CHCHD3: variants seen among roughly 807,000 people sequenced by gnomAD.
CHCHD3 encodes the protein MICOS complex subunit MIC19.
A neutral mutation model predicts 38.2 loss-of-function variants in CHCHD3; 20 were observed. The observed-to-expected ratio is 0.52, with a 90% CI of 0.37 to 0.76. CHCHD3 has a LOEUF of 0.76. Among genes scored for constraint, CHCHD3 ranks in the 30% least tolerant of loss-of-function variants. The probability of loss-of-function intolerance (pLI) is 0.00; values close to 1 mark genes in which losing one functional copy is unlikely to be tolerated. For missense variants in CHCHD3, 245 were observed against 279.2 expected (o/e 0.88, Z 0.87); for synonymous variants, 82 against 100.0 (o/e 0.82, Z 1.07).
intron 1 of CHCHD3, 75 bp downstream of exon 1, chr7:133,081,782 G>A: frequency 6.9e-7 from 1 of 1,449,970 alleles, no homozygotes; most frequent in African/African-American, 1.4e-5. Context: ...AACCCAGGCT[G>A]AGCGGGTCCG....
At chr7:132,879,799 T>TTAATCAAAG (rs1198574888) in intron 5 of CHCHD3, among the ~76,000 whole-genome samples, 2 of 149,108 alleles carry the variant, frequency 1.3e-5, no homozygotes, top group African/African-American at 5.0e-5. Flanking sequence ...GAAGGCAGTA[T>TTAATCAAAG]TAATCAAAGT....
intron 1 of CHCHD3, among the ~76,000 whole-genome samples, chr7:133,071,034 A>G (rs893592672): frequency 6.6e-6 from 1 of 152,224 alleles, no homozygotes; most frequent in African/African-American, 2.4e-5. Context: ...ACCGTTAGAC[A>G]TCCAAGTGGA....
chr7:133,040,465 T>C (rs1422920169), intron 2 of CHCHD3, among the ~76,000 whole-genome samples: 1 of 152,104 alleles, frequency 6.6e-6, no homozygotes, highest in East Asian at 1.9e-4. Flanking sequence ...CCACCAGACA[T>C]TGAGAACTGG....
At chr7:132,816,757 G>A (rs771543731) in intron 6 of CHCHD3, among the ~76,000 whole-genome samples, 3 of 152,194 alleles carry the variant, frequency 2.0e-5, no homozygotes, top group Non-Finnish European at 2.9e-5. Flanking sequence ...GCTATTAGAT[G>A]CAACCTGCTT....
intron 2 of CHCHD3, among the ~76,000 whole-genome samples, chr7:133,033,397 C>T (rs1291995279): frequency 1.3e-5 from 2 of 152,122 alleles, no homozygotes; most frequent in Non-Finnish European, 2.9e-5. Flanking sequence ...GATCCCTCCC[C>T]GTGCCACTAA....
At chr7:132,791,844 C>T (rs1194831197) in intron 7 of CHCHD3, among the ~76,000 whole-genome samples, 2 of 152,172 alleles carry the variant, frequency 1.3e-5, no homozygotes, top group African/African-American at 4.8e-5. Context: ...TAGGATCTAG[C>T]CTCATTTACT....
chr7:132,891,939 A>G (rs896049245), intron 4 of CHCHD3, among the ~76,000 whole-genome samples: 1 of 152,200 alleles, frequency 6.6e-6, no homozygotes, highest in African/African-American at 2.4e-5. Context: ...CCATGATTGT[A>G]AGTTTCCTGA....
At chr7:132,826,698 C>T (rs1289850809) in intron 6 of CHCHD3, among the ~76,000 whole-genome samples, 1 of 152,182 alleles carries the variant, frequency 6.6e-6, no homozygotes, top group Non-Finnish European at 1.5e-5. Flanking sequence ...AAGACGCAAG[C>T]TTTTACAAGT....
chr7:132,875,587 A>C (rs1405916142), intron 5 of CHCHD3, among the ~76,000 whole-genome samples: 1 of 152,220 alleles, frequency 6.6e-6, no homozygotes, highest in Non-Finnish European at 1.5e-5. Context: ...CACAAAACAC[A>C]CAGCCTCCAT....
At chr7:132,925,558 C>T (rs1271680082) in intron 4 of CHCHD3, among the ~76,000 whole-genome samples, 1 of 152,172 alleles carries the variant, frequency 6.6e-6, no homozygotes, top group East Asian at 1.9e-4. Context: ...CAAGTTACAC[C>T]TTCAGGACAG....
At position 132,785,584 on chromosome 7, in the gene CHCHD3, A is replaced by G; in HGVS notation, c.*53T>C. 6.3e-7 allele frequency: 1 copy of G among 1,592,776 alleles called. No individual in the cohort carries two copies. The highest frequency in any genetic ancestry group is 2.2e-5 in the East Asian group (1 of 44,766). On this transcript the variant is annotated 3_prime_UTR_variant, in exon 8 of 8. Transcript: ENST00000262570. Reference sequence around the variant, plus strand: ...GGTTGTTTTCTCACTAGGAAAAAAAATGTTCCATCTCTGGAATTAACGTTG... The same window carrying G: ...GGTTGTTTTCTCACTAGGAAAAAAAGTGTTCCATCTCTGGAATTAACGTTG...
intron 4 of CHCHD3, among the ~76,000 whole-genome samples, chr7:132,916,086 G>A (rs536404860): frequency 6.6e-6 from 1 of 152,004 alleles, no homozygotes; most frequent in South Asian, 2.1e-4. Flanking sequence ...AGTTTCTTGT[G>A]TCTACTGACT....
chr7:132,800,907 G>A (rs1806775917), intron 6 of CHCHD3, among the ~76,000 whole-genome samples: 1 of 152,190 alleles, frequency 6.6e-6, no homozygotes, highest in African/African-American at 2.4e-5. Context: ...CATGGGATCA[G>A]GTGGTCTCAT....
chr7:133,060,547 G>A (rs533404949), intron 2 of CHCHD3, among the ~76,000 whole-genome samples: 2 of 152,210 alleles, frequency 1.3e-5, no homozygotes, highest in Admixed American at 1.3e-4. Context: ...CAGGTAAGAG[G>A]TGAGATAGCA....
At chr7:133,031,128 T>C (rs1813488984) in intron 2 of CHCHD3, among the ~76,000 whole-genome samples, 1 of 152,142 alleles carries the variant, frequency 6.6e-6, no homozygotes, top group Non-Finnish European at 1.5e-5. Flanking sequence ...TTATACTTGA[T>C]CCTGAGTATT....
intron 4 of CHCHD3, among the ~76,000 whole-genome samples, chr7:132,937,875 T>C (rs1810669321): frequency 6.6e-6 from 1 of 152,236 alleles, no homozygotes; most frequent in Non-Finnish European, 1.5e-5. Context: ...CTGTGCTACA[T>C]AAAGAGACTG....
intron 5 of CHCHD3, among the ~76,000 whole-genome samples, chr7:132,868,225 C>G (rs1469246657): frequency 2.6e-5 from 4 of 152,072 alleles, no homozygotes; most frequent in Non-Finnish European, 1.5e-5. Context: ...GTAGAAGCAG[C>G]AAAGCTGACG....
At chr7:132,862,744 T>C (rs1019707033) in intron 5 of CHCHD3, among the ~76,000 whole-genome samples, 3 of 152,240 alleles carry the variant, frequency 2.0e-5, no homozygotes, top group Non-Finnish European at 2.9e-5. Context: ...CCAATTAAGT[T>C]CATGTATTAT....
intron 2 of CHCHD3, among the ~76,000 whole-genome samples, chr7:133,044,401 T>C (rs1813917480): frequency 6.6e-6 from 1 of 152,240 alleles, no homozygotes; most frequent in Non-Finnish European, 1.5e-5. Flanking sequence ...ACATTACCTA[T>C]AATTGAATAA....
Sources: allele counts gnomAD v4.1 joint callset (sites outside exome capture counted in the v4.1 genomes callset), GRCh38; gene constraint gnomAD v4.1.1; transcripts MANE v1.5; gene names NCBI Gene and HGNC (gene_info 2026-07-23, HGNC 2026-07-21).